PPP1R1C: variants seen among roughly 807,000 people sequenced by gnomAD.
The protein encoded by PPP1R1C is protein phosphatase 1 regulatory inhibitor subunit 1C.
Under a neutral mutation model 17.4 loss-of-function variants are expected in PPP1R1C, and 15 were observed. The ratio of observed to expected loss-of-function variants is 0.86; its 90% confidence interval spans 0.58 to 1.33. The LOEUF is 1.33. Ranked by LOEUF, PPP1R1C falls within the 40% of genes most tolerant of loss-of-function variation. The pLI is 0.00. For synonymous variants in PPP1R1C, 35 were observed against 43.1 expected (o/e 0.81, Z 0.73); for missense variants, 143 against 130.0 (o/e 1.10, Z -0.48).
intron 4 of PPP1R1C, among the ~76,000 whole-genome samples, chr2:182,114,102 G>A (rs1306533731): frequency 1.3e-5 from 2 of 151,720 alleles, no homozygotes; most frequent in Non-Finnish European, 2.9e-5. Context: ...GCATATCCTT[G>A]TCTTCTAAAT....
chr2:182,119,693 A>C (rs1385967358), downstream of PPP1R1C, among the ~76,000 whole-genome samples: 1 of 152,170 alleles, frequency 6.6e-6, no homozygotes, highest in Non-Finnish European at 1.5e-5. Flanking sequence ...TGTTGGCTGC[A>C]TAAATGTCTT....
intron 2 of PPP1R1C, among the ~76,000 whole-genome samples, chr2:182,055,206 T>C (rs888445534): frequency 3.3e-5 from 5 of 152,218 alleles, no homozygotes; most frequent in African/African-American, 9.6e-5. Flanking sequence ...TACATACTTA[T>C]CACAGTTTGC....
At chr2:181,989,281 C>T in intron 2 of PPP1R1C, among the ~76,000 whole-genome samples, 1 of 152,162 alleles carries the variant, frequency 6.6e-6, no homozygotes, top group South Asian at 2.1e-4. Context: ...ATGTAAGTGA[C>T]CTTCATCCTC....
chr2:182,076,284 T>C (rs1230938973), intron 4 of PPP1R1C, among the ~76,000 whole-genome samples: 3 of 126,372 alleles, frequency 2.4e-5, no homozygotes, highest in Non-Finnish European at 4.8e-5. Flanking sequence ...AAGCTCTGCC[T>C]CCCAGGTTCA....
upstream of PPP1R1C, among the ~76,000 whole-genome samples, chr2:181,982,564 G>A (rs1426690265): frequency 2.6e-5 from 4 of 152,168 alleles, no homozygotes; most frequent in Non-Finnish European, 5.9e-5. Context: ...TTAAATACCA[G>A]GAGAGGGAAC....
chr2:182,057,926 T>C (rs1254009655), intron 2 of PPP1R1C, among the ~76,000 whole-genome samples: 1 of 152,140 alleles, frequency 6.6e-6, no homozygotes, highest in Non-Finnish European at 1.5e-5. Flanking sequence ...TTTTTATTAA[T>C]GGGCTTAATT....
intron 4 of PPP1R1C, among the ~76,000 whole-genome samples, chr2:182,067,465 G>A (rs1353714256): frequency 1.3e-5 from 2 of 151,938 alleles, no homozygotes; most frequent in Non-Finnish European, 2.9e-5. Flanking sequence ...AGATGAAAGT[G>A]GCAATAATGG....
intron 2 of PPP1R1C, among the ~76,000 whole-genome samples, chr2:182,005,217 TA>T (rs2125151890): frequency 6.6e-6 from 1 of 152,338 alleles, no homozygotes; most frequent in South Asian, 2.1e-4. Context: ...TTACTGCTCT[TA>T]ATCATTAAAG....
At chr2:182,033,428 C>G (rs1056664127) in intron 2 of PPP1R1C, among the ~76,000 whole-genome samples, 4 of 152,158 alleles carry the variant, frequency 2.6e-5, no homozygotes. Context: ...CTCTGGTTGT[C>G]CCAGAGGCAT....
chr2:182,014,694 A>G (rs1686205229), intron 2 of PPP1R1C, among the ~76,000 whole-genome samples: 1 of 152,032 alleles, frequency 6.6e-6, no homozygotes, highest in Admixed American at 6.6e-5. Context: ...AGCCTAGAAC[A>G]GGGAACGTTA....
chr2:182,084,661 T>C lies in PPP1R1C; in HGVS notation c.241+20870T>C, dbSNP rs1294281729. Among the ~76,000 whole-genome samples, 4 of 152,214 alleles carry C rather than the reference T, an allele frequency of 2.6e-5. No individual in the cohort carries two copies. The East Asian group carries it at 7.7e-4, about 29-fold the overall frequency. ...GCCAATACCATGCTGTTTTGGTTAC[T>C]ATAGCCTTGTAGTATAATTTGAAGT... On this transcript the variant is annotated intron_variant, in intron 4 of 4. Coordinates refer to ENST00000682840, the MANE Select transcript of PPP1R1C (RefSeq NM_001080545.3).
At chr2:182,072,850 C>A (rs1253134416) in intron 4 of PPP1R1C, among the ~76,000 whole-genome samples, 1 of 152,182 alleles carries the variant, frequency 6.6e-6, no homozygotes, top group Non-Finnish European at 1.5e-5. Context: ...TCTTGTCTGT[C>A]TCCAGCTTCT....
At chr2:181,989,875 G>T (rs1469681140) in intron 2 of PPP1R1C, among the ~76,000 whole-genome samples, 1 of 152,170 alleles carries the variant, frequency 6.6e-6, no homozygotes, top group Non-Finnish European at 1.5e-5. Context: ...TTTTGGCTGT[G>T]TATAGGACTT....
At chr2:181,986,569 T>G (rs76289912) in intron 1 of PPP1R1C, among the ~76,000 whole-genome samples, 2,343 of 152,336 alleles carry the variant, frequency 0.015, 68 homozygotes, top group African/African-American at 0.053. Context: ...ATAAAATGAT[T>G]GATTTAGCAA....
chr2:182,093,132 T>A (rs1433712808), intron 4 of PPP1R1C, among the ~76,000 whole-genome samples: 2 of 152,218 alleles, frequency 1.3e-5, no homozygotes, highest in Middle Eastern at 6.3e-3. Context: ...CTTTAAAATC[T>A]AGGTGGAGGT....
chr2:182,007,782 G>T, intron 2 of PPP1R1C, among the ~76,000 whole-genome samples: 1 of 152,168 alleles, frequency 6.6e-6, no homozygotes, highest in Non-Finnish European at 1.5e-5. Context: ...AGAAATCAAG[G>T]CTAGGCGCGG....
intron 2 of PPP1R1C, among the ~76,000 whole-genome samples, chr2:182,012,058 G>A (rs1686101221): frequency 6.6e-6 from 1 of 151,938 alleles, no homozygotes; most frequent in Non-Finnish European, 1.5e-5. Flanking sequence ...TTGATAATGA[G>A]CTACCTGCTG....
chr2:181,998,438 G>C (rs1685675282), intron 2 of PPP1R1C, among the ~76,000 whole-genome samples: 1 of 152,126 alleles, frequency 6.6e-6, no homozygotes, highest in Non-Finnish European at 1.5e-5. Context: ...TTAAGATAAG[G>C]CACCTGGAGT....
chr2:181,973,242 GC>G (rs1685042884), intron 1 of PPP1R1C, among the ~76,000 whole-genome samples: 1 of 151,986 alleles, frequency 6.6e-6, no homozygotes, highest in African/African-American at 2.4e-5. Flanking sequence ...CGAGACATTT[GC>G]TTTTACTGGA....
Sources: gnomAD v4.1 joint callset for allele counts (sites outside exome capture counted in the v4.1 genomes callset) on GRCh38, gnomAD v4.1.1 for gene constraint, MANE v1.5 for transcripts, NCBI Gene and HGNC (gene_info 2026-07-23, HGNC 2026-07-21) for gene names.